CTNNA3: variants seen among roughly 807,000 people sequenced by gnomAD.
CTNNA3 encodes catenin alpha 3.
In CTNNA3, 76 loss-of-function variants were observed where a neutral mutation model predicts 95.7. That is an observed-to-expected ratio of 0.79 (90% CI 0.66 to 0.96). CTNNA3 has a LOEUF of 0.96. Among genes scored for constraint, CTNNA3 ranks in the 40% least tolerant of loss-of-function variants. The pLI, the probability that CTNNA3 is intolerant of heterozygous loss-of-function variation, is 0.00. For synonymous variants in CTNNA3, 431 were observed against 374.4 expected (o/e 1.15, Z -1.74); for missense variants, 1,191 against 1,089.8 (o/e 1.09, Z -1.31).
chr10:66,425,344 G>A (rs1409936700), intron 11 of CTNNA3, among the ~76,000 whole-genome samples: 1 of 151,604 alleles, frequency 6.6e-6, no homozygotes, highest in Non-Finnish European at 1.5e-5. Context: ...TATTTAAACT[G>A]ATCTCTATGA....
chr10:67,106,802 T>C (rs1185095008), intron 7 of CTNNA3, among the ~76,000 whole-genome samples: 1 of 152,210 alleles, frequency 6.6e-6, no homozygotes, highest in Non-Finnish European at 1.5e-5. Context: ...GAAGACATTT[T>C]TTCAATATAA....
chr10:66,360,658 TCTTC>T (rs367718579), intron 12 of CTNNA3, among the ~76,000 whole-genome samples: 1,924 of 48,690 alleles, frequency 0.04, 147 homozygotes, highest in East Asian at 0.089. Context: ...TTTCTTTCTT[TCTTC>T]CTTCCTTCCT....
At chr10:67,007,206 G>A (rs958876513) in intron 7 of CTNNA3, among the ~76,000 whole-genome samples, 1 of 152,150 alleles carries the variant, frequency 6.6e-6, no homozygotes, top group African/African-American at 2.4e-5. Context: ...AAATTCTTGG[G>A]TGTCAGTTCC....
chr10:67,609,271 C>T (rs187775327), intron 2 of CTNNA3, among the ~76,000 whole-genome samples: 9 of 152,212 alleles, frequency 5.9e-5, no homozygotes, highest in Admixed American at 5.2e-4. Flanking sequence ...CTCTTGAAAG[C>T]TAATCTGCTG....
At chr10:66,345,821 A>G (rs527832412) in intron 12 of CTNNA3, among the ~76,000 whole-genome samples, 1 of 152,072 alleles carries the variant, frequency 6.6e-6, no homozygotes, top group African/African-American at 2.4e-5. Context: ...CACACCTGTA[A>G]TCCCAGCACT....
At chr10:67,678,684 T>G (rs1036570998) in intron 1 of CTNNA3, among the ~76,000 whole-genome samples, 1 of 152,142 alleles carries the variant, frequency 6.6e-6, no homozygotes, top group Admixed American at 6.6e-5. Flanking sequence ...CCACAGACTT[T>G]AAATGAAAAA....
chr10:66,502,999 C>G (rs1180051924), intron 11 of CTNNA3, among the ~76,000 whole-genome samples: 1 of 151,936 alleles, frequency 6.6e-6, no homozygotes. Flanking sequence ...TAAGATAATT[C>G]TTCAGTTATT....
rs146582084 is a variant in CTNNA3 at position 66,512,076 on chromosome 10, A to G, written c.1531+8541T>C. On this transcript the variant is annotated intron_variant, in intron 11 of 17. Coordinates refer to ENST00000433211, the MANE Select transcript of CTNNA3 (RefSeq NM_013266.4). ...TCTGGTGTTCGGTGGATATATATTA[A>G]CAATTGTTCTTTCCTCTTGCTGAAT... Among the ~76,000 whole-genome samples the G allele has an allele frequency of 3.3e-4, 50 of 152,114 alleles. 2 individuals are homozygous for G. In the East Asian group the frequency reaches 9.5e-3, roughly 29 times the overall value.
intron 5 of CTNNA3, among the ~76,000 whole-genome samples, chr10:67,227,579 T>C (rs531741779): frequency 1.3e-5 from 2 of 152,000 alleles, no homozygotes; most frequent in South Asian, 4.2e-4. Context: ...CGCAATGAGA[T>C]AGCAACACAA....
intron 5 of CTNNA3, among the ~76,000 whole-genome samples, chr10:67,351,610 T>C (rs1015789631): frequency 6.6e-6 from 1 of 152,040 alleles, no homozygotes; most frequent in Non-Finnish European, 1.5e-5. Flanking sequence ...TCTGAATAGC[T>C]GTAAAATGTT....
At chr10:67,727,051 G>T (rs867354946) in intron 1 of CTNNA3, among the ~76,000 whole-genome samples, 2 of 102,824 alleles carry the variant, frequency 1.9e-5, no homozygotes, top group South Asian at 2.7e-4. Context: ...ATACATATAT[G>T]ATATAATTAT....
rs1428072480 is a variant in CTNNA3 at position 67,620,919 on chromosome 10, GTGTGTA to G, written c.100-13876_100-13871del. Among the ~76,000 whole-genome samples the G allele has an allele frequency of 5.0e-3, 496 of 100,092 alleles. 1 individual carries two copies. The highest frequency in any genetic ancestry group is 0.017 in the African/African-American group (386 of 22,120). The allele number at this position is 100,092 out of a possible 152,430, so 65.7% of individuals were successfully genotyped here. A position where few individuals can be genotyped will look rare whatever the true frequency, so the allele number is the denominator to read the frequency against. ...TATATGTATATGTGTGTGTGTGTGT[GTGTGTA>G]TATATATATATATATATATATATAT... On this transcript the variant is annotated intron_variant, in intron 2 of 17. Coordinates refer to ENST00000433211, the MANE Select transcript of CTNNA3 (RefSeq NM_013266.4).
chr10:67,405,009 T>C (rs1354596092), intron 5 of CTNNA3, among the ~76,000 whole-genome samples: 1 of 152,202 alleles, frequency 6.6e-6, no homozygotes, highest in Non-Finnish European at 1.5e-5. Flanking sequence ...AAGCAAATTC[T>C]GAGGGAATTT....
At chr10:66,096,759 A>G in intron 14 of CTNNA3, among the ~76,000 whole-genome samples, 1 of 152,006 alleles carries the variant, frequency 6.6e-6, no homozygotes, top group African/African-American at 2.4e-5. Flanking sequence ...CCTGGCCTCA[A>G]GTGATCCACC....
intron 3 of CTNNA3, among the ~76,000 whole-genome samples, chr10:67,568,027 C>T (rs1787053134): frequency 1.3e-5 from 2 of 152,090 alleles, no homozygotes; most frequent in Admixed American, 6.6e-5. Context: ...TTGCATGGCT[C>T]ATGAATATGT....
intron 7 of CTNNA3, among the ~76,000 whole-genome samples, chr10:66,794,218 A>C (rs1012325653): frequency 1.3e-5 from 2 of 152,144 alleles, no homozygotes; most frequent in African/African-American, 4.8e-5. Flanking sequence ...TGGGGCCTTA[A>C]ACAACCACCA....
intron 7 of CTNNA3, among the ~76,000 whole-genome samples, chr10:66,803,530 C>T (rs1456407685): frequency 3.3e-5 from 5 of 151,588 alleles, no homozygotes; most frequent in Non-Finnish European, 2.9e-5. Flanking sequence ...TGTCTCTCAC[C>T]ATATATAGTC....
At chr10:67,207,592 A>G (rs1863958916) in intron 6 of CTNNA3, among the ~76,000 whole-genome samples, 2 of 152,148 alleles carry the variant, frequency 1.3e-5, no homozygotes, top group Admixed American at 6.5e-5. Flanking sequence ...ACAAGAGACA[A>G]GAAGCTTCTT....
chr10:66,964,364 C>T (rs74141743), intron 7 of CTNNA3, among the ~76,000 whole-genome samples: 2,417 of 151,796 alleles, frequency 0.016, 75 homozygotes, highest in African/African-American at 0.054. Flanking sequence ...TCATAAATCA[C>T]TCTACCTTGT....
Sources: allele counts gnomAD v4.1 joint callset (sites outside exome capture counted in the v4.1 genomes callset), GRCh38; gene constraint gnomAD v4.1.1; transcripts MANE v1.5; gene names NCBI Gene and HGNC (gene_info 2026-07-23, HGNC 2026-07-21).